Variants in IL1RAPL2 observed in about 807,000 individuals in gnomAD.
IL1RAPL2 encodes the protein interleukin 1 receptor accessory protein like 2, also known as X-linked interleukin-1 receptor accessory protein-like 2.
IL1RAPL2 carries 3 observed loss-of-function variants against 44.1 expected under a neutral mutation model. The ratio of observed to expected loss-of-function variants is 0.07; its 90% CI spans 0.03 to 0.18. IL1RAPL2 has a LOEUF of 0.18. IL1RAPL2 is among the 10% of genes least tolerant of loss of function. The probability of loss-of-function intolerance (pLI) is 1.00; values close to 1 mark genes in which losing one functional copy is unlikely to be tolerated. For synonymous variants in IL1RAPL2, 181 were observed against 178.8 expected (o/e 1.01, Z -0.10); for missense variants, 391 against 496.4 (o/e 0.79, Z 2.02).
At chrX:105,459,122 T>C (rs1407959204) in intron 5 of IL1RAPL2, among the ~76,000 whole-genome samples, 2 of 112,108 alleles carry the variant, frequency 1.8e-5, no homozygotes, top group Non-Finnish European at 3.8e-5. Flanking sequence ...GGCAGATTTT[T>C]GCCAATGTTC....
intron 2 of IL1RAPL2, among the ~76,000 whole-genome samples, chrX:104,982,365 A>G (rs1338177674): frequency 9.0e-6 from 1 of 111,226 alleles, no homozygotes; most frequent in Non-Finnish European, 1.9e-5. Flanking sequence ...AACACTTTGT[A>G]TTTTTAAGGC....
At position 105,036,389 on chromosome X, in the gene IL1RAPL2, T is replaced by A. The variant is rs2031629008; in HGVS notation, c.83-159086T>A. 1.8e-5 allele frequency among the ~76,000 whole-genome samples: 2 copies of A among 111,795 alleles called. 1 individual carries two copies. Among genetic ancestry groups the A allele is most frequent in the African/African-American group, 6.5e-5 (2 of 30,814 alleles). On this transcript the variant is annotated intron_variant, in intron 2 of 10. Coordinates refer to ENST00000372582, the MANE Select transcript of IL1RAPL2 (RefSeq NM_017416.2). ...CTAAATTTTTGGCCACATCTTGGCTTCTCTGGCTCATGGATCAATCTCTGG... is the reference window on the plus strand; with the variant it reads ...CTAAATTTTTGGCCACATCTTGGCTACTCTGGCTCATGGATCAATCTCTGG...
intron 6 of IL1RAPL2, among the ~76,000 whole-genome samples, chrX:105,606,475 T>C (rs377573100): frequency 1.8e-5 from 2 of 111,349 alleles, no homozygotes. Flanking sequence ...GTAAAGCCAT[T>C]ATGGAGAACA....
chrX:104,904,747 A>G (rs1253726353), intron 2 of IL1RAPL2, among the ~76,000 whole-genome samples: 1 of 109,504 alleles, frequency 9.1e-6, no homozygotes, highest in Non-Finnish European at 1.9e-5. Flanking sequence ...ATTGTGAATA[A>G]TGCTGCAATA....
intron 2 of IL1RAPL2, among the ~76,000 whole-genome samples, chrX:104,960,942 T>G (rs1351432912): frequency 2.7e-5 from 3 of 111,752 alleles, no homozygotes; most frequent in Non-Finnish European, 5.6e-5. Flanking sequence ...GGCTCTTCCT[T>G]GACAAGTTGC....
At chrX:105,239,679 G>T (rs931165473) in intron 4 of IL1RAPL2, among the ~76,000 whole-genome samples, 1 of 107,167 alleles carries the variant, frequency 9.3e-6, no homozygotes, top group South Asian at 4.1e-4. Context: ...CATAAGTGTG[G>T]AGCAACCCTC....
At chrX:105,269,567 TG>T (rs1315488618) in intron 5 of IL1RAPL2, among the ~76,000 whole-genome samples, 2 of 111,610 alleles carry the variant, frequency 1.8e-5, no homozygotes, top group Non-Finnish European at 3.8e-5. Context: ...ACTACCATAT[TG>T]GGCCAATTCC....
intron 2 of IL1RAPL2, among the ~76,000 whole-genome samples, chrX:104,967,606 G>A (rs931659014): frequency 5.4e-5 from 6 of 111,009 alleles, no homozygotes; most frequent in Admixed American, 1.9e-4. Context: ...CTAAAGGTTC[G>A]TTCTCTGAAA....
Position 105,225,698 on chromosome X carries a change from T to TA in IL1RAPL2, c.357-8120_357-8119insA, listed in dbSNP as rs200023405. Reference sequence around the variant, plus strand: ...TATTTTATTTTATTTTATTTTATTTTTTTTTCTGAGACAGAGTCTCCTCTG... The same window carrying TA: ...TATTTTATTTTATTTTATTTTATTTTATTTTTCTGAGACAGAGTCTCCTCTG... On this transcript the variant is annotated intron_variant, in intron 3 of 10. Coordinates refer to ENST00000372582, the MANE Select transcript of IL1RAPL2 (RefSeq NM_017416.2). Among the ~76,000 whole-genome samples, 345 of 106,760 alleles carry TA rather than the reference T, an allele frequency of 3.2e-3. 1 individual carries two copies. The highest frequency in any genetic ancestry group is 0.019 in the Middle Eastern group (4 of 213). 92.7% of individuals were successfully genotyped at this position (106,760 alleles called of 115,157 possible).
intron 5 of IL1RAPL2, among the ~76,000 whole-genome samples, chrX:105,353,148 G>A (rs139958727): frequency 0.03 from 3,333 of 111,276 alleles, 127 homozygotes; most frequent in African/African-American, 0.1. Flanking sequence ...CTTTCTACAT[G>A]TGGCTAGCCA....
intron 3 of IL1RAPL2, among the ~76,000 whole-genome samples, chrX:105,221,624 G>A (rs782461852): frequency 9.0e-6 from 1 of 111,724 alleles, no homozygotes; most frequent in Non-Finnish European, 1.9e-5. Flanking sequence ...CTGGAGCCTG[G>A]CTAGTTGTGT....
At chrX:105,508,342 T>C (rs969184857) in intron 6 of IL1RAPL2, among the ~76,000 whole-genome samples, 1 of 111,370 alleles carries the variant, frequency 9.0e-6, no homozygotes, top group Admixed American at 9.6e-5. Context: ...AAAATTAGCA[T>C]AAATAACTGG....
At chrX:105,443,807 G>A (rs1415784212) in intron 5 of IL1RAPL2, among the ~76,000 whole-genome samples, 2 of 112,317 alleles carry the variant, frequency 1.8e-5, no homozygotes, top group Non-Finnish European at 3.8e-5. Flanking sequence ...AAGCATAGGA[G>A]TGTAGATGTC....
intron 3 of IL1RAPL2, chrX:105,220,371 A>G (rs782436243): frequency 3.4e-6 from 4 of 1,192,360 alleles, no homozygotes; most frequent in Non-Finnish European, 4.5e-6. Flanking sequence ...GGAACCCGCT[A>G]CTGGGGTCCT....
chrX:104,653,406 A>G (rs1297527170), intron 1 of IL1RAPL2, among the ~76,000 whole-genome samples: 2 of 111,260 alleles, frequency 1.8e-5, no homozygotes, highest in Non-Finnish European at 3.8e-5. Context: ...GAAATCTCCA[A>G]TATCCCACCT....
intron 5 of IL1RAPL2, among the ~76,000 whole-genome samples, chrX:105,463,449 C>A (rs770411614): frequency 9.0e-6 from 1 of 110,859 alleles, no homozygotes; most frequent in Non-Finnish European, 1.9e-5. Context: ...TGCTAGTAAT[C>A]AAGTATTTGA....
At chrX:105,450,907 A>AGTGTGTGTGTGTGT (rs747929543) in intron 5 of IL1RAPL2, among the ~76,000 whole-genome samples, 2 of 94,141 alleles carry the variant, frequency 2.1e-5, no homozygotes, top group African/African-American at 7.7e-5. Context: ...CTTAGGTCCG[A>AGTGTGTGTGTGTGT]GTGTGTGTGT....
At chrX:105,542,909 G>A (rs953029335) in intron 6 of IL1RAPL2, among the ~76,000 whole-genome samples, 25 of 109,250 alleles carry the variant, frequency 2.3e-4, no homozygotes, top group African/African-American at 7.6e-4. Context: ...AGAGAACTCA[G>A]GATTTAAATT....
At chrX:105,491,362 C>T (rs2036317139) in intron 6 of IL1RAPL2, among the ~76,000 whole-genome samples, 1 of 111,639 alleles carries the variant, frequency 9.0e-6, no homozygotes, top group Non-Finnish European at 1.9e-5. Context: ...ATGGTTATTT[C>T]ATTAGCTGGA....
Sources: allele counts gnomAD v4.1 joint callset (sites outside exome capture counted in the v4.1 genomes callset), GRCh38; gene constraint gnomAD v4.1.1; transcripts MANE v1.5; gene names NCBI Gene and HGNC (gene_info 2026-07-23, HGNC 2026-07-21).